Variants in SZT2 observed in about 807,000 individuals in gnomAD.
SZT2 encodes KICSTOR complex protein SZT2.
SZT2 carries 216 observed loss-of-function variants against 404.2 expected under a neutral mutation model. The ratio of observed to expected loss-of-function variants is 0.53; its 90% confidence interval spans 0.48 to 0.60. The LOEUF is 0.60. Ranked by LOEUF, SZT2 falls within the 20% of genes least tolerant of loss-of-function variation. The pLI is 0.00. For synonymous variants in SZT2, 1,693 were observed against 1,749.9 expected (o/e 0.97, Z 0.81); for missense variants, 3,857 against 4,459.2 (o/e 0.86, Z 3.85).
Position 43,425,659 on chromosome 1 carries a change from C to T in SZT2, c.2814+17C>T. 1.9e-6 allele frequency: 3 copies of T among 1,613,250 alleles called. No individual in the cohort carries two copies. The highest frequency in any genetic ancestry group is 2.5e-6 in the Non-Finnish European group (3 of 1,179,862). ...CCGCAAGCTGTGAGTGTCCTCAGAACAGTACCCGCACCTCTCTCACTGGAT... is the reference window on the plus strand; with the variant it reads ...CCGCAAGCTGTGAGTGTCCTCAGAATAGTACCCGCACCTCTCTCACTGGAT... On this transcript the variant is annotated intron_variant, in intron 19 of 71. Coordinates refer to ENST00000634258, the MANE Select transcript of SZT2 (RefSeq NM_001365999.1). The surrounding 1 kb of genome is among the most constrained non-coding windows in gnomAD (Gnocchi z 4.3).
rs751818298 is a variant in SZT2 at position 43,428,024 on chromosome 1, C to T, written c.3825C>T (p.Pro1275=). The change falls in exon 27 of 72, where the codon CCC becomes CCT. Residue 1275 remains proline (P), a synonymous_variant. Transcript: ENST00000634258. ...CTAGGACTCAGTTCCTCGACCACCCCTCCCCATCCTCAGCCTGGATGGAAC... is the reference window on the plus strand; with the variant it reads ...CTAGGACTCAGTTCCTCGACCACCCTTCCCCATCCTCAGCCTGGATGGAAC... The part of the protein sequence containing the change: ...LIFRTQFLDH[P]SPSSAWMEPR... 3.7e-6 allele frequency: 6 copies of T among 1,614,188 alleles called. No individual in the cohort carries two copies. Among genetic ancestry groups the T allele is most frequent in the Non-Finnish European group, 5.1e-6 (6 of 1,180,012 alleles).
rs774887749 is a variant in SZT2, at chr1:43,438,998, T to C, written c.6697T>C (p.Trp2233Arg). Reference protein sequence around the residue: ...HLALPTSCRPWLPALAWYLRQ... With the variant: ...HLALPTSCRPRLPALAWYLRQ... ...GGCCCTACCCACCTCCTGCAGGCCC[T>C]GGCTTCCAGCCCTGGCATGGTACCT... The change falls in exon 48 of 72, where the codon TGG (tryptophan) becomes CGG (arginine). Residue 2233 changes from tryptophan (W) to arginine (R), a missense_variant. This residue lies in a region of SZT2 where 261 missense variants were observed against 372.9 expected (regional missense o/e 0.70). Coordinates refer to ENST00000634258, the MANE Select transcript of SZT2 (RefSeq NM_001365999.1). 26 of 1,614,082 alleles carry C rather than the reference T, an allele frequency of 1.6e-5. No homozygotes were observed. In the South Asian group the frequency reaches 2.7e-4, roughly 17 times the overall value.
At chr1:43,393,077 GAA>G (rs1648598942) in intron 1 of SZT2, among the ~76,000 whole-genome samples, 1 of 152,196 alleles carries the variant, frequency 6.6e-6, no homozygotes, top group South Asian at 2.1e-4. Flanking sequence ...ACCTTGTTAA[GAA>G]ATGGGGAGGC....
chr1:43,438,869 C>T, intron 47 of SZT2, 52 bp downstream of exon 47: 1 of 1,612,646 alleles, frequency 6.2e-7, no homozygotes, highest in Non-Finnish European at 8.5e-7. Context: ...CCACAGGTTC[C>T]AGGACAGTCT....
In SZT2 at chr1:43,425,891, A is replaced by C; in HGVS notation, c.2871A>C (p.Ile957=). The change falls in exon 20 of 72, where the codon ATA becomes ATC. Residue 957 remains isoleucine (I), a synonymous_variant. Coordinates refer to ENST00000634258, the MANE Select transcript of SZT2 (RefSeq NM_001365999.1). The surrounding 1 kb of genome is among the most constrained non-coding windows in gnomAD (Gnocchi z 4.3). ...CCATGCTGAGCTTTGAATACCTGAT[A>C]CAGCTGTGTCAGAGCAAGGAATGGG... ...IGSMLSFEYL[I]QLCQSKEWGP... 1 of 1,614,040 alleles carries C rather than the reference A, an allele frequency of 6.2e-7. No individual in the cohort carries two copies.
chr1:43,446,232 C>T lies in SZT2; in HGVS notation c.8970C>T (p.Gly2990=), dbSNP rs1344759218. 1.2e-6 allele frequency: 2 copies of T among 1,614,256 alleles called. No individual in the cohort carries two copies. The highest frequency in any genetic ancestry group is 2.2e-5 in the East Asian group (1 of 44,884). ...TYHLQRALPG[G]IILMELAFQG... ...ACCTGCAGCGGGCACTGCCTGGGGGCATCATCCTCATGGAACTGGCATTCC... is the reference window on the plus strand; with the variant it reads ...ACCTGCAGCGGGCACTGCCTGGGGGTATCATCCTCATGGAACTGGCATTCC... The change falls in exon 64 of 72, where the codon GGC becomes GGT. Residue 2990 remains glycine (G), a synonymous_variant. Coordinates refer to ENST00000634258, the MANE Select transcript of SZT2 (RefSeq NM_001365999.1).
chr1:43,429,668 C>T, intron 28 of SZT2, 35 bp from the exon 29 acceptor site: 1 of 1,613,968 alleles, frequency 6.2e-7, no homozygotes. Context: ...CTTGATGGTT[C>T]TTAACACTTC....
intron 46 of SZT2, 152 bp downstream of exon 46, chr1:43,438,054 T>C: frequency 1.3e-6 from 1 of 750,910 alleles, no homozygotes; most frequent in Non-Finnish European, 2.2e-6. Flanking sequence ...AAATACTAGC[T>C]GGAGGCTCCA....
At chr1:43,443,135 G>A (rs1337029252) in intron 59 of SZT2, 49 bp downstream of exon 59, 1 of 1,613,514 alleles carries the variant, frequency 6.2e-7, no homozygotes, top group African/African-American at 1.3e-5. Context: ...GTGGAGTCTG[G>A]GAGGAAGGGA....
At position 43,452,026 on chromosome 1, in the gene SZT2, C is replaced by G; in HGVS notation, c.*1546C>G. The G allele has an allele frequency of 6.3e-7, 1 of 1,598,986 alleles. No individual in the cohort carries two copies. The highest frequency in any genetic ancestry group is 8.5e-7 in the Non-Finnish European group (1 of 1,170,890). On this transcript the variant is annotated 3_prime_UTR_variant, in exon 72 of 72. Transcript: ENST00000634258. Reference sequence around the variant, plus strand: ...CCACGAGGTCCTCCTAGCAGCATGTCGGGTGCTGTGAATAGAGCTCCTTCC... The same window carrying G: ...CCACGAGGTCCTCCTAGCAGCATGTGGGGTGCTGTGAATAGAGCTCCTTCC...
In SZT2 at chr1:43,422,574, C is replaced by CG; in HGVS notation, c.1867dup (p.Asp623GlyfsTer15). 6.3e-7 allele frequency: 1 copy of CG among 1,598,156 alleles called. No homozygotes were observed. The highest frequency in any genetic ancestry group is 8.5e-7 in the Non-Finnish European group (1 of 1,179,686). On this transcript the variant is annotated frameshift_variant, in exon 13 of 72. Transcript: ENST00000634258. LOFTEE classifies it high-confidence loss of function. ...CCACTCCTCCCTGACCTCTCTGCTG[C>CG]GGGACTGGAGCAGCTTCGTACTAGT...
rs866494435 is a variant in SZT2 at position 43,427,572 on chromosome 1, G to A, written c.3641G>A (p.Arg1214Gln). 3.7e-6 allele frequency: 6 copies of A among 1,614,038 alleles called. No individual in the cohort carries two copies. The African/African-American group carries it at 4.0e-5, about 11-fold the overall frequency. ...NQGELSPPFR[R>Q]DLQAYAGRQA... Reference sequence around the variant, plus strand: ...GGAGAGCTAAGTCCACCATTCCGTCGAGACTTACAGGCTTACGCTGGGCGT... The same window carrying A: ...GGAGAGCTAAGTCCACCATTCCGTCAAGACTTACAGGCTTACGCTGGGCGT... Residue 1214 changes from arginine to glutamine, a missense_variant, in exon 26 of 72, where the codon CGA becomes CAA. Around this residue, in one of 7 missense-constraint regions of SZT2, gnomAD observed 1,725 missense variants for 1,881.0 expected, o/e 0.92. Coordinates refer to ENST00000634258, the MANE Select transcript of SZT2 (RefSeq NM_001365999.1).
rs1557583650 is a variant in SZT2 at position 43,437,998 on chromosome 1, A to G, written c.6508+96A>G. 7.9e-7 allele frequency: 1 copy of G among 1,267,726 alleles called. No individual in the cohort carries two copies. 78.5% of individuals were successfully genotyped at this position (1,267,726 alleles called of 1,614,324 possible). ...CCTTGCAAGCATTACACTAGAAGTT[A>G]TGTAACAGTCTCAGCCCAAGACCTG... On this transcript the variant is annotated intron_variant, in intron 46 of 71. Transcript: ENST00000634258. This position sits in a 1 kb window ranked among gnomAD's most constrained non-coding sequence, Gnocchi z 5.3.
rs759241671 is a variant in SZT2 at position 43,427,739 on chromosome 1, G to A, written c.3803+5G>A. On this transcript the variant is annotated splice_donor_5th_base_variant and intron_variant, in intron 26 of 71. Transcript: ENST00000634258. ...GCCCCGAGACCTCATCTTCCGGTGA[G>A]TGCCTTCAGTGTTGACCTAAGTCCT... is the stretch of plus-strand genomic sequence containing the variant. 1 of 1,612,588 alleles carries A rather than the reference G, an allele frequency of 6.2e-7. No individual in the cohort carries two copies. Among genetic ancestry groups the A allele is most frequent in the South Asian group, 1.1e-5 (1 of 91,006 alleles).
Position 43,451,705 on chromosome 1 carries a change from A to C in SZT2, c.*1225A>C. On this transcript the variant is annotated 3_prime_UTR_variant, in exon 72 of 72. Transcript: ENST00000634258. ...GTCAGGTTCCCATCCATGATCTGCC[A>C]GTGGAATATGTCCTAGGGAAGAGGA... is the stretch of plus-strand genomic sequence containing the variant. 1.2e-6 allele frequency: 2 copies of C among 1,614,190 alleles called. No individual in the cohort carries two copies. The highest frequency in any genetic ancestry group is 1.7e-6 in the Non-Finnish European group (2 of 1,180,018).
chr1:43,426,158 G>A lies in SZT2; in HGVS notation c.3043+7G>A, dbSNP rs754635757. The A allele has an allele frequency of 1.9e-6, 3 of 1,613,648 alleles. No homozygotes were observed. Among genetic ancestry groups the A allele is most frequent in the Non-Finnish European group, 1.7e-6 (2 of 1,179,662 alleles). On this transcript the variant is annotated splice_region_variant and intron_variant, in intron 21 of 71. Coordinates refer to ENST00000634258, the MANE Select transcript of SZT2 (RefSeq NM_001365999.1). This position sits in a 1 kb window ranked among gnomAD's most constrained non-coding sequence, Gnocchi z 4.9. ...TTCCTCTTGCTTGCCAGAGGTAGGT[G>A]AACCTGGTACCCTTTCACCCCACAC... is the stretch of plus-strand genomic sequence containing the variant.
rs1178652749 is a variant in SZT2 at position 43,442,956 on chromosome 1, C to T, written c.8289C>T (p.Pro2763=). The T allele has an allele frequency of 6.2e-7, 1 of 1,614,166 alleles. No homozygotes were observed. Among genetic ancestry groups the T allele is most frequent in the Admixed American group, 1.7e-5 (1 of 60,020 alleles). The change falls in exon 59 of 72, where the codon CCC becomes CCT. Residue 2763 remains proline (P), a synonymous_variant. Transcript: ENST00000634258. The surrounding 1 kb of genome is among the most constrained non-coding windows in gnomAD (Gnocchi z 4.5). ...GGGPLPLDTF[P]FDEALRDITA... is the part of the protein sequence containing the mutation. ...GTCCTCTTCCCCTGGACACATTCCCCTTTGACGAGGCCCTAAGGGATATCA... is the reference window on the plus strand; with the variant it reads ...GTCCTCTTCCCCTGGACACATTCCCTTTTGACGAGGCCCTAAGGGATATCA...
chr1:43,446,858 G>A, intron 65 of SZT2, 97 bp from the exon 66 acceptor site: 1 of 1,316,498 alleles, frequency 7.6e-7, no homozygotes, highest in South Asian at 1.3e-5. Context: ...CAGCAGCAGG[G>A]GAAATCTTGT....
At position 43,432,784 on chromosome 1, in the gene SZT2, G is replaced by A; in HGVS notation, c.5587G>A (p.Asp1863Asn). 3 of 1,613,874 alleles carry A rather than the reference G, an allele frequency of 1.9e-6. No individual in the cohort carries two copies. The highest frequency in any genetic ancestry group is 2.5e-6 in the Non-Finnish European group (3 of 1,179,896). The change falls in exon 39 of 72, where the codon GAC (aspartate) becomes AAC (asparagine). Residue 1863 changes from aspartate (D) to asparagine (N), a missense_variant. Physicochemically the swap from Asp to Asn is conservative, Grantham distance 23. Transcript: ENST00000634258. Reference protein sequence around the residue: ...LSLMSSQGSVDSDHLGYDGGS... With the variant: ...LSLMSSQGSVNSDHLGYDGGS... Reference sequence around the variant, plus strand: ...TCTCATGTCCAGTCAGGGCAGTGTGGACTCAGACCACCTAGGTAAGCTGGG... The same window carrying A: ...TCTCATGTCCAGTCAGGGCAGTGTGAACTCAGACCACCTAGGTAAGCTGGG...
Sources: gnomAD v4.1 joint callset for allele counts (sites outside exome capture counted in the v4.1 genomes callset) on GRCh38, gnomAD v4.1.1 for gene constraint, gnomAD v4.1.1 regional missense constraint, Gnocchi (gnomAD v3.1) non-coding constraint, MANE v1.5 for transcripts, NCBI Gene and HGNC (gene_info 2026-07-23, HGNC 2026-07-21) for gene names.